Variants in MYOM2 observed in about 807,000 individuals in gnomAD.
The protein encoded by MYOM2 is myomesin-2.
MYOM2 carries 254 observed loss-of-function variants against 187.6 expected under a neutral mutation model. The observed-to-expected ratio is 1.35, with a 90% CI of 1.22 to 1.50. MYOM2 has a LOEUF of 1.50. MYOM2 is among the 40% of genes most tolerant of loss of function. The pLI is 0.00. For synonymous variants in MYOM2, 981 were observed against 753.8 expected (o/e 1.30, Z -4.94); for missense variants, 2,796 against 1,924.0 (o/e 1.45, Z -8.48).
chr8:2,137,768 C>A (rs1275489696), intron 32 of MYOM2, among the ~76,000 whole-genome samples: 1 of 152,140 alleles, frequency 6.6e-6, no homozygotes, highest in Non-Finnish European at 1.5e-5. Flanking sequence ...GCCCAGTTCC[C>A]CACTGATCTG....
chr8:2,102,644 G>C (rs774869698), intron 20 of MYOM2, 23 bp from the exon 21 acceptor site: 2 of 1,520,200 alleles, frequency 1.3e-6, no homozygotes, highest in African/African-American at 2.7e-5. Context: ...CCACACATCT[G>C]GTGTTTCCTC....
Position 2,064,482 on chromosome 8 carries a change from G to A in MYOM2, c.654-4796G>A, listed in dbSNP as rs17751423. ...GGGTCGGGATCTTTGCTCCGGTGAC[G>A]GGTTTCTTTACAGAAGGAAGGAGAG... On this transcript the variant is annotated intron_variant, in intron 6 of 36. Coordinates refer to ENST00000262113, the MANE Select transcript of MYOM2 (RefSeq NM_003970.4). 1.8e-3 allele frequency among the ~76,000 whole-genome samples: 273 copies of A among 152,192 alleles called. 4 individuals are homozygous for A. In the East Asian group the frequency reaches 0.031, roughly 18 times the overall value.
At chr8:2,085,133 G>C in intron 13 of MYOM2, 130 bp from the exon 14 acceptor site, 2 of 1,159,976 alleles carry the variant, frequency 1.7e-6, no homozygotes, top group East Asian at 2.5e-5. Context: ...TTTGGGGTTT[G>C]TTTGACTTCC....
intron 18 of MYOM2, among the ~76,000 whole-genome samples, chr8:2,097,527 G>A (rs1204854888): frequency 6.6e-6 from 1 of 152,064 alleles, no homozygotes; most frequent in Non-Finnish European, 1.5e-5. Flanking sequence ...TATTTATTTA[G>A]TTTTCGAGAC....
chr8:2,140,299 C>T (rs2116918758), intron 32 of MYOM2, among the ~76,000 whole-genome samples: 1 of 149,770 alleles, frequency 6.7e-6, no homozygotes. Flanking sequence ...GCTTGGGCTG[C>T]CTCCCCACCG....
chr8:2,137,390 C>A (rs373755961), intron 32 of MYOM2, among the ~76,000 whole-genome samples: 2 of 151,936 alleles, frequency 1.3e-5, no homozygotes, highest in East Asian at 3.9e-4. Flanking sequence ...TCTTCGCAAG[C>A]GGGGAGCTCA....
intron 6 of MYOM2, 88 bp downstream of exon 6, chr8:2,059,333 C>T (rs1818776630): frequency 1.8e-6 from 2 of 1,098,604 alleles, no homozygotes; most frequent in South Asian, 2.8e-5. Flanking sequence ...TAACTGGAGG[C>T]CAAATCACAC....
chr8:2,134,324 G>T (rs1458029372), intron 32 of MYOM2, among the ~76,000 whole-genome samples: 1 of 152,092 alleles, frequency 6.6e-6, no homozygotes, highest in African/African-American at 2.4e-5. Context: ...CTCTGTCTGG[G>T]TTTATCTGGT....
chr8:2,116,137 A>C (rs1449126397), intron 26 of MYOM2, 33 bp downstream of exon 26: 1 of 1,605,006 alleles, frequency 6.2e-7, no homozygotes, highest in East Asian at 2.2e-5. Context: ...ACGTCCATAC[A>C]AGATAATTCA....
chr8:2,116,297 G>A (rs777858311), intron 27 of MYOM2, 22 bp downstream of exon 27: 11 of 1,605,930 alleles, frequency 6.8e-6, no homozygotes, highest in East Asian at 4.5e-5. Flanking sequence ...CACTCTGACC[G>A]GCTCCCCTGC....
chr8:2,134,618 C>T (rs1798002002), intron 32 of MYOM2, among the ~76,000 whole-genome samples: 2 of 151,926 alleles, frequency 1.3e-5, no homozygotes, highest in African/African-American at 4.8e-5. Context: ...CTGGGAGGCG[C>T]TGGCCTCTCC....
chr8:2,095,692 C>G (rs957732196), intron 17 of MYOM2, among the ~76,000 whole-genome samples: 1 of 152,298 alleles, frequency 6.6e-6, no homozygotes, highest in Admixed American at 6.5e-5. Context: ...GGCAAGCAGA[C>G]TCAGGCCCAT....
Position 2,120,675 on chromosome 8 carries a change from T to TATAAATA in MYOM2, c.3454-2577_3454-2576insATAAATA, listed in dbSNP as rs1220891042. Among the ~76,000 whole-genome samples, 49 of 41,424 alleles carry TATAAATA rather than the reference T, an allele frequency of 1.2e-3. 7 individuals are homozygous for TATAAATA. In the South Asian group the frequency reaches 0.031, roughly 26 times the overall value. 27.2% of individuals were successfully genotyped at this position (41,424 alleles called of 152,430 possible). ...GATTTCCTGTATATATATATATATA[T>TATAAATA]TATATTATATATAAATATATAATAT... On this transcript the variant is annotated intron_variant, in intron 28 of 36. Transcript: ENST00000262113.
intron 14 of MYOM2, among the ~76,000 whole-genome samples, chr8:2,087,419 G>A (rs1286587959): frequency 6.6e-6 from 1 of 152,082 alleles, no homozygotes; most frequent in Non-Finnish European, 1.5e-5. Flanking sequence ...GCTATCTGGG[G>A]GGTAGAAACT....
intron 13 of MYOM2, among the ~76,000 whole-genome samples, chr8:2,081,483 C>G (rs1563439960): frequency 6.6e-6 from 1 of 152,208 alleles, no homozygotes. Flanking sequence ...CACGAGCAGA[C>G]AGATCAGGGA....
rs1489873040 is a variant in MYOM2, at chr8:2,087,287, A to G, written c.1644+1897A>G. On this transcript the variant is annotated intron_variant, in intron 14 of 36. Transcript: ENST00000262113. Reference sequence around the variant, plus strand: ...CATATAGAAGCTTATGCCACCTAATACAATAATCGCATCTAGCACCACTCA... The same window carrying G: ...CATATAGAAGCTTATGCCACCTAATGCAATAATCGCATCTAGCACCACTCA... Among the ~76,000 whole-genome samples the G allele has an allele frequency of 2.0e-5, 3 of 152,220 alleles. No homozygotes were observed. The East Asian group carries it at 5.8e-4, about 29-fold the overall frequency.
chr8:2,125,971 C>G (rs975018519), intron 31 of MYOM2, among the ~76,000 whole-genome samples: 1 of 151,994 alleles, frequency 6.6e-6, no homozygotes, highest in Admixed American at 6.6e-5. Context: ...ATAAGAATTG[C>G]ATTCAATCTT....
intron 13 of MYOM2, among the ~76,000 whole-genome samples, chr8:2,082,949 A>C (rs1455730159): frequency 6.6e-6 from 1 of 152,166 alleles, no homozygotes; most frequent in Non-Finnish European, 1.5e-5. Context: ...TGGAACCAGA[A>C]GACCTAAGCC....
rs368427343 is a variant in MYOM2 at position 2,098,990 on chromosome 8, C to T, written c.2440+7C>T. On this transcript the variant is annotated splice_region_variant and intron_variant, in intron 19 of 36. Coordinates refer to ENST00000262113, the MANE Select transcript of MYOM2 (RefSeq NM_003970.4). ...TGGACCATGCCGGAGCCCGGTGAGT[C>T]GCTGCCCCCAGGACACCCGCGTTCC... 1.2e-5 allele frequency: 19 copies of T among 1,599,078 alleles called. No individual in the cohort carries two copies. In the East Asian group the frequency reaches 1.6e-4, roughly 13 times the overall value.
Sources: gnomAD v4.1 joint callset for allele counts (sites outside exome capture counted in the v4.1 genomes callset) on GRCh38, gnomAD v4.1.1 for gene constraint, MANE v1.5 for transcripts, NCBI Gene and HGNC (gene_info 2026-07-23, HGNC 2026-07-21) for gene names.